The following PLEKHH2 variants were observed in gnomAD, a reference collection of about 807,000 sequenced individuals.
PLEKHH2 encodes pleckstrin homology, MyTH4 and FERM domain containing H2.
A neutral mutation model predicts 187.9 loss-of-function variants in PLEKHH2; 129 were observed. The ratio of observed to expected loss-of-function variants is 0.69; its 90% CI spans 0.59 to 0.79. PLEKHH2 has a LOEUF of 0.79. Among genes scored for constraint, PLEKHH2 ranks in the 30% least tolerant of loss-of-function variants. The pLI is 0.00. For missense variants in PLEKHH2, 2,076 were observed against 1,751.2 expected, an observed-to-expected ratio of 1.19 and a Z score of -3.31; for synonymous variants, 686 against 605.6, an observed-to-expected ratio of 1.13 and a Z score of -1.95.
chr2:43,677,855 C>T (rs893468409), intron 2 of PLEKHH2, among the ~76,000 whole-genome samples: 33 of 145,146 alleles, frequency 2.3e-4, no homozygotes, highest in African/African-American at 4.1e-4. Context: ...CCCTCCCGGA[C>T]GGGGCGGCTG....
intron 10 of PLEKHH2, 151 bp from the exon 11 acceptor site, chr2:43,707,250 T>C (rs139118238): frequency 4.1e-6 from 3 of 723,324 alleles, no homozygotes; most frequent in Non-Finnish European, 6.5e-6. Flanking sequence ...TAAAACTTTC[T>C]GTTATCTAAA....
In PLEKHH2 at chr2:43,731,384, G is replaced by A. The variant is rs1397129573; in HGVS notation, c.2831-106G>A. On this transcript the variant is annotated intron_variant, in intron 18 of 29. Transcript: ENST00000282406. The stretch of plus-strand genomic sequence containing the variant: ...TTTTTTCTGACCTTTGTGACTTAAA[G>A]TTGTGAGCCAAGCCTGAATGAGCTA... 3 of 745,724 alleles carry A rather than the reference G, an allele frequency of 4.0e-6. No individual in the cohort carries two copies. The Admixed American group carries it at 8.9e-5, about 22-fold the overall frequency. The allele number at this position is 745,724 out of a possible 1,614,324, so 46.2% of individuals were successfully genotyped here.
At chr2:43,647,873 A>C (rs1005556920) in intron 2 of PLEKHH2, among the ~76,000 whole-genome samples, 3 of 152,150 alleles carry the variant, frequency 2.0e-5, no homozygotes, top group African/African-American at 7.2e-5. Context: ...TCTAGTTCTT[A>C]GTTCCATTTT....
intron 2 of PLEKHH2, among the ~76,000 whole-genome samples, chr2:43,667,718 A>G (rs1245860211): frequency 6.6e-6 from 1 of 152,248 alleles, no homozygotes; most frequent in African/African-American, 2.4e-5. Flanking sequence ...ATCCATTCAT[A>G]TGAAATATTC....
At chr2:43,699,432 G>A (rs1249060809) in intron 7 of PLEKHH2, among the ~76,000 whole-genome samples, 1 of 152,146 alleles carries the variant, frequency 6.6e-6, no homozygotes, top group Non-Finnish European at 1.5e-5. Flanking sequence ...AGGCTGGAGT[G>A]CAGTGGCTGA....
chr2:43,647,916 G>A lies in PLEKHH2; in HGVS notation c.123+3120G>A, dbSNP rs1026139580. On this transcript the variant is annotated intron_variant, in intron 2 of 29. Transcript: ENST00000282406. ...ATGGCTATAGGAAGCTGACTCTAGCGGCCAAATATGGTTCCTAAGTCTTTA... is the reference window on the plus strand; with the variant it reads ...ATGGCTATAGGAAGCTGACTCTAGCAGCCAAATATGGTTCCTAAGTCTTTA... Among the ~76,000 whole-genome samples the A allele has an allele frequency of 9.9e-5, 15 of 152,190 alleles. No individual in the cohort carries two copies. The South Asian group carries it at 1.0e-3, about 11-fold the overall frequency.
chr2:43,715,259 A>C (rs142470219), intron 15 of PLEKHH2, among the ~76,000 whole-genome samples: 59 of 152,100 alleles, frequency 3.9e-4, no homozygotes, highest in African/African-American at 1.4e-3. Flanking sequence ...CTGTGCGACA[A>C]ATGAAACTCC....
chr2:43,691,389 G>T (rs945674697), intron 3 of PLEKHH2, among the ~76,000 whole-genome samples: 1 of 152,226 alleles, frequency 6.6e-6, no homozygotes, highest in Non-Finnish European at 1.5e-5. Flanking sequence ...GTGCTGATTG[G>T]CTTGTGAGTA....
chr2:43,651,185 C>T (rs1666452420), intron 2 of PLEKHH2, among the ~76,000 whole-genome samples: 1 of 151,660 alleles, frequency 6.6e-6, no homozygotes, highest in South Asian at 2.1e-4. Flanking sequence ...TCATTTTGTT[C>T]AGCAAACATT....
rs1160997731 is a variant in PLEKHH2 at position 43,697,652 on chromosome 2, G to A, written c.688+296G>A. Among the ~76,000 whole-genome samples, 6 of 152,116 alleles carry A rather than the reference G, an allele frequency of 3.9e-5. No homozygotes were observed. The East Asian group carries it at 1.2e-3, about 29-fold the overall frequency. Reference sequence around the variant, plus strand: ...TTTACTGTCCCATCTGCAAGATGCTGTACTTGTTTTAGCTGAGTTTCAGAT... The same window carrying A: ...TTTACTGTCCCATCTGCAAGATGCTATACTTGTTTTAGCTGAGTTTCAGAT... On this transcript the variant is annotated intron_variant, in intron 7 of 29. Transcript: ENST00000282406.
chr2:43,645,865 C>T (rs879663231), intron 2 of PLEKHH2, among the ~76,000 whole-genome samples: 1 of 152,070 alleles, frequency 6.6e-6, no homozygotes, highest in Non-Finnish European at 1.5e-5. Flanking sequence ...GTTTCTGAAA[C>T]ACTAATCTGC....
chr2:43,659,523 T>C (rs1666963518), intron 2 of PLEKHH2, among the ~76,000 whole-genome samples: 1 of 152,088 alleles, frequency 6.6e-6, no homozygotes, highest in Non-Finnish European at 1.5e-5. Context: ...TTGTTATCTG[T>C]CTTTCTTAGT....
At chr2:43,726,137 AAAAG>A in intron 16 of PLEKHH2, 131 bp from the exon 17 acceptor site, 1 of 678,502 alleles carries the variant, frequency 1.5e-6, no homozygotes, top group Non-Finnish European at 2.3e-6. Context: ...AAAAAAAAAA[AAAAG>A]GAAAATAAAA....
chr2:43,709,967 G>T (rs1353548939), intron 11 of PLEKHH2, 23 bp from the exon 12 acceptor site: 1 of 1,591,428 alleles, frequency 6.3e-7, no homozygotes. Context: ...ATACTGACTT[G>T]ATTTCTTTCT....
intron 2 of PLEKHH2, among the ~76,000 whole-genome samples, chr2:43,654,758 G>A (rs924577636): frequency 1.3e-5 from 2 of 150,592 alleles, no homozygotes; most frequent in African/African-American, 4.9e-5. Context: ...CAGGCGTGGT[G>A]GCTCACGCCT....
chr2:43,753,770 A>G lies in PLEKHH2; in HGVS notation c.3795+10A>G. On this transcript the variant is annotated intron_variant, in intron 25 of 29. Coordinates refer to ENST00000282406, the MANE Select transcript of PLEKHH2 (RefSeq NM_172069.4). Reference sequence around the variant, plus strand: ...AGCTCTTTTATCTCAGGTAACTTCCATGTTATATGGAGTAATATATTGAAA... The same window carrying G: ...AGCTCTTTTATCTCAGGTAACTTCCGTGTTATATGGAGTAATATATTGAAA... 2 of 1,561,382 alleles carry G rather than the reference A, an allele frequency of 1.3e-6. No homozygotes were observed. The highest frequency in any genetic ancestry group is 1.7e-6 in the Non-Finnish European group (2 of 1,155,488).
chr2:43,640,845 T>C (rs528856802), intron 1 of PLEKHH2, among the ~76,000 whole-genome samples: 111 of 151,962 alleles, frequency 7.3e-4, no homozygotes, highest in South Asian at 1.5e-3. Context: ...AGTGCAGTGG[T>C]GTGAACATGG....
rs1294657630 is a variant in PLEKHH2, at chr2:43,712,518, A to G, written c.2460+135A>G. ...TTGGGGATAGGAAAGGGTGTTTTTA[A>G]GTATGATGCCCAAGGCAAAAACTAT... On this transcript the variant is annotated intron_variant, in intron 15 of 29. Coordinates refer to ENST00000282406, the MANE Select transcript of PLEKHH2 (RefSeq NM_172069.4). 8 of 1,040,830 alleles carry G rather than the reference A, an allele frequency of 7.7e-6. No individual in the cohort carries two copies. In the South Asian group the frequency reaches 1.5e-4, roughly 20 times the overall value. The allele number at this position is 1,040,830 out of a possible 1,614,324, so 64.5% of individuals were successfully genotyped here. A position where few individuals can be genotyped will look rare whatever the true frequency, so the allele number is the denominator to read the frequency against.
chr2:43,757,108 T>C lies in PLEKHH2; in HGVS notation c.3796-11T>C. On this transcript the variant is annotated splice_polypyrimidine_tract_variant and intron_variant, in intron 25 of 29. Coordinates refer to ENST00000282406, the MANE Select transcript of PLEKHH2 (RefSeq NM_172069.4). ...TTCAATATATTTTCACTTTTGTGGA[T>C]TTCCAATTAGGTAGAGATTGGAGAT... 1 of 1,552,136 alleles carries C rather than the reference T, an allele frequency of 6.4e-7. No individual in the cohort carries two copies. The highest frequency in any genetic ancestry group is 1.2e-5 in the South Asian group (1 of 80,046).
Sources: gnomAD v4.1 joint callset for allele counts (sites outside exome capture counted in the v4.1 genomes callset) on GRCh38, gnomAD v4.1.1 for gene constraint, MANE v1.5 for transcripts, NCBI Gene and HGNC (gene_info 2026-07-23, HGNC 2026-07-21) for gene names.